Variants in ADAMTS6 observed in about 807,000 individuals in gnomAD.
ADAMTS6 encodes ADAM metallopeptidase with thrombospondin type 1 motif 6, also known as A disintegrin and metalloproteinase with thrombospondin motifs 6.
A neutral mutation model predicts 144.3 loss-of-function variants in ADAMTS6; 23 were observed. The ratio of observed to expected loss-of-function variants is 0.16; its 90% CI spans 0.11 to 0.23. ADAMTS6 has a LOEUF of 0.23. Among genes scored for constraint, ADAMTS6 ranks in the 10% least tolerant of loss-of-function variants. The pLI is 1.00. For synonymous variants in ADAMTS6, 444 were observed against 457.5 expected (o/e 0.97, Z 0.38); for missense variants, 999 against 1,379.6 (o/e 0.72, Z 4.37).
At chr5:65,251,037 G>A (rs1485864075) in intron 14 of ADAMTS6, 1 of 152,112 alleles carries the variant, frequency 6.6e-6, no homozygotes, top group East Asian at 1.9e-4. Flanking sequence ...TAGGTCATTT[G>A]AATGAAAAAT....
intron 9 of ADAMTS6, among the ~76,000 whole-genome samples, chr5:65,323,709 G>A (rs1481301642): frequency 6.6e-6 from 1 of 152,120 alleles, no homozygotes; most frequent in Non-Finnish European, 1.5e-5. Flanking sequence ...TTCCACGATG[G>A]TTGAACTAGT....
rs776302663 is a variant in ADAMTS6, at chr5:65,451,524, T to C, written c.1024A>G (p.Ile342Val). ...TGGTGGGCAATCCCATTTTCTGGAA[T>C]GGTGTTTCCATCACTTTGGTGGGAG... The part of the protein sequence containing the change: ...ILSHQSDGNT[I>V]PENGIAHHDN... The change falls in exon 7 of 25, where the codon ATT becomes GTT. Residue 342 changes from isoleucine (I) to valine (V), a missense_variant. By Grantham distance (29) the Ile-to-Val change is conservative. Coordinates refer to ENST00000381055, the MANE Select transcript of ADAMTS6 (RefSeq NM_197941.4). The C allele has an allele frequency of 6.2e-7, 1 of 1,613,848 alleles. No individual in the cohort carries two copies. Among genetic ancestry groups the C allele is most frequent in the Non-Finnish European group, 8.5e-7 (1 of 1,179,860 alleles).
intron 7 of ADAMTS6, among the ~76,000 whole-genome samples, chr5:65,431,578 A>T (rs1388330487): frequency 6.6e-6 from 1 of 152,202 alleles, no homozygotes; most frequent in Non-Finnish European, 1.5e-5. Context: ...ACAAGGTAAC[A>T]GAGGAAATGA....
chr5:65,431,826 G>A (rs1026019078), intron 7 of ADAMTS6, among the ~76,000 whole-genome samples: 55 of 152,074 alleles, frequency 3.6e-4, no homozygotes, highest in East Asian at 5.8e-4. Context: ...TTAAGCAAAC[G>A]GATATACAAA....
rs1056794868 is a variant in ADAMTS6 at position 65,169,805 on chromosome 5, A to C, written c.3244+812T>G. 6.7e-5 allele frequency among the ~76,000 whole-genome samples: 10 copies of C among 150,352 alleles called. 1 individual carries two copies. Among genetic ancestry groups the C allele is most frequent in the Admixed American group, 6.0e-4 (9 of 14,994 alleles). On this transcript the variant is annotated intron_variant, in intron 24 of 24. Transcript: ENST00000381055. ...GCAAGATCAAAAAACCAAACACTGCATATTCTCACTCATAGGTGGGAATTG... is the reference window on the plus strand; with the variant it reads ...GCAAGATCAAAAAACCAAACACTGCCTATTCTCACTCATAGGTGGGAATTG...
chr5:65,303,196 T>C (rs960780126), intron 9 of ADAMTS6, among the ~76,000 whole-genome samples: 1 of 152,140 alleles, frequency 6.6e-6, no homozygotes, highest in African/African-American at 2.4e-5. Flanking sequence ...AAACTATTCT[T>C]TGATGATAGA....
chr5:65,464,427 C>T (rs1257232173), intron 3 of ADAMTS6, among the ~76,000 whole-genome samples: 3 of 152,072 alleles, frequency 2.0e-5, no homozygotes, highest in Non-Finnish European at 4.4e-5. Context: ...AATGCAAAAA[C>T]CGTAATGATA....
intron 12 of ADAMTS6, among the ~76,000 whole-genome samples, chr5:65,271,526 C>T (rs749226279): frequency 3.9e-5 from 6 of 151,928 alleles, no homozygotes; most frequent in East Asian, 3.8e-4. Context: ...TCATCTCTAT[C>T]ATATATACGC....
intron 9 of ADAMTS6, among the ~76,000 whole-genome samples, chr5:65,312,301 A>T (rs866187733): frequency 6.6e-6 from 1 of 152,038 alleles, no homozygotes. Context: ...AAGGGAATAA[A>T]AGGACATTCT....
At chr5:65,256,502 A>AAT in intron 14 of ADAMTS6, 1 of 152,290 alleles carries the variant, frequency 6.6e-6, no homozygotes. Context: ...AGAAAACATA[A>AAT]ATATATATGT....
chr5:65,419,398 G>A (rs1321077679), intron 7 of ADAMTS6, among the ~76,000 whole-genome samples: 4 of 152,024 alleles, frequency 2.6e-5, no homozygotes, highest in African/African-American at 9.7e-5. Flanking sequence ...AACTACTACA[G>A]GACAGAAGGA....
At chr5:65,467,890 G>A (rs1199093148) in intron 3 of ADAMTS6, among the ~76,000 whole-genome samples, 1 of 152,076 alleles carries the variant, frequency 6.6e-6, no homozygotes, top group Non-Finnish European at 1.5e-5. Context: ...CAAGAAATTA[G>A]CCCAATAAAT....
intron 20 of ADAMTS6, among the ~76,000 whole-genome samples, chr5:65,199,890 G>A (rs1755624343): frequency 6.6e-6 from 1 of 152,018 alleles, no homozygotes; most frequent in African/African-American, 2.4e-5. Context: ...TTAAAAACTG[G>A]GAATCAAGAG....
rs191933769 is a variant in ADAMTS6, at chr5:65,470,841, G to A, written c.399C>T (p.Tyr133=). ...WKHDFLDNCH[Y]TGYLQDQRST... ...TACGTTGATCTTGCAAATATCCTGT[G>A]TAATGACAGTTGTCTAAAAAATCAT... The change falls in exon 3 of 25, where the codon TAC becomes TAT. Residue 133 remains tyrosine (Y), a synonymous_variant. Transcript: ENST00000381055. 1 of 1,611,004 alleles carries A rather than the reference G, an allele frequency of 6.2e-7. No homozygotes were observed. The highest frequency in any genetic ancestry group is 2.2e-5 in the East Asian group (1 of 44,734).
intron 7 of ADAMTS6, among the ~76,000 whole-genome samples, chr5:65,392,189 A>C (rs559258251): frequency 6.6e-6 from 1 of 152,294 alleles, no homozygotes; most frequent in South Asian, 2.1e-4. Flanking sequence ...TTCTTCATTC[A>C]TTGTATAAAC....
Position 65,242,092 on chromosome 5 carries a change from G to T in ADAMTS6, c.1933+12C>A, listed in dbSNP as rs1561319103. Reference sequence around the variant, plus strand: ...TGCTCAAGCATGAATGCTCTGTCAGGTTATACATTACCTCCAGTATAGGGT... The same window carrying T: ...TGCTCAAGCATGAATGCTCTGTCAGTTTATACATTACCTCCAGTATAGGGT... On this transcript the variant is annotated intron_variant, in intron 15 of 24. Transcript: ENST00000381055. 1 of 1,554,382 alleles carries T rather than the reference G, an allele frequency of 6.4e-7. No individual in the cohort carries two copies. Among genetic ancestry groups the T allele is most frequent in the East Asian group, 2.3e-5 (1 of 43,978 alleles).
At chr5:65,444,219 C>T (rs968697517) in intron 7 of ADAMTS6, among the ~76,000 whole-genome samples, 1 of 152,048 alleles carries the variant, frequency 6.6e-6, no homozygotes, top group Non-Finnish European at 1.5e-5. Flanking sequence ...TGGTGAAACC[C>T]CATCTCTACT....
chr5:65,394,104 G>C (rs570396209), intron 7 of ADAMTS6, among the ~76,000 whole-genome samples: 2 of 152,286 alleles, frequency 1.3e-5, no homozygotes, highest in Admixed American at 1.3e-4. Context: ...CTCCTCAAGA[G>C]GCAGGATCTA....
intron 7 of ADAMTS6, among the ~76,000 whole-genome samples, chr5:65,375,824 C>T (rs555463565): frequency 6.6e-6 from 1 of 152,090 alleles, no homozygotes; most frequent in Non-Finnish European, 1.5e-5. Context: ...ATGTTTATTA[C>T]GGCATTATTC....
Sources: allele counts gnomAD v4.1 joint callset (sites outside exome capture counted in the v4.1 genomes callset), GRCh38; gene constraint gnomAD v4.1.1; transcripts MANE v1.5; gene names NCBI Gene and HGNC (gene_info 2026-07-23, HGNC 2026-07-21).